Variants in SNTG1 observed in about 807,000 individuals in gnomAD.
SNTG1 encodes gamma-1-syntrophin.
A neutral mutation model predicts 74.7 loss-of-function variants in SNTG1; 39 were observed. That is an observed-to-expected ratio of 0.52 (90% confidence interval 0.40 to 0.68). The LOEUF (loss-of-function observed/expected upper bound fraction) is 0.68, where lower values mean the gene tolerates loss of function less well. Ranked by LOEUF, SNTG1 falls within the 30% of genes least tolerant of loss-of-function variation. SNTG1 has a pLI of 0.00. For synonymous variants in SNTG1, 254 were observed against 217.1 expected, an observed-to-expected ratio of 1.17 and a Z score of -1.49; for missense variants, 685 against 609.5, an observed-to-expected ratio of 1.12 and a Z score of -1.30.
rs191390904 is a variant in SNTG1 at position 50,594,971 on chromosome 8, A to C, written c.849+4054A>C. 3.6e-4 allele frequency among the ~76,000 whole-genome samples: 55 copies of C among 151,844 alleles called. No individual in the cohort carries two copies. In the East Asian group the frequency reaches 7.3e-3, roughly 20 times the overall value. ...TAATGATGCATACCCTAAAATTTAT[A>C]ATCTAATCAGTTGTATATTTAATTC... On this transcript the variant is annotated intron_variant, in intron 13 of 18. Coordinates refer to ENST00000642720, the MANE Select transcript of SNTG1 (RefSeq NM_018967.5).
At chr8:50,064,533 G>A (rs1820744557) in intron 1 of SNTG1, among the ~76,000 whole-genome samples, 1 of 152,190 alleles carries the variant, frequency 6.6e-6, no homozygotes, top group African/African-American at 2.4e-5. Flanking sequence ...GTTAGAAAAA[G>A]TCATCTTTTT....
At chr8:50,666,150 C>A (rs529569418) in intron 15 of SNTG1, among the ~76,000 whole-genome samples, 4 of 152,086 alleles carry the variant, frequency 2.6e-5, no homozygotes, top group African/African-American at 9.7e-5. Context: ...GTAATCTAAC[C>A]AAATCTAATG....
At chr8:50,604,683 C>T (rs1436873843) in intron 13 of SNTG1, among the ~76,000 whole-genome samples, 1 of 152,080 alleles carries the variant, frequency 6.6e-6, no homozygotes, top group African/African-American at 2.4e-5. Context: ...TCAGAAATGT[C>T]CAAGAGTCTA....
chr8:50,701,586 CTCTTCT>C lies in SNTG1; in HGVS notation c.1039-2987_1039-2982del, dbSNP rs5891382. Among the ~76,000 whole-genome samples, 1,103 of 145,302 alleles carry C rather than the reference CTCTTCT, an allele frequency of 7.6e-3. 11 individuals are homozygous for C. Among genetic ancestry groups the C allele is most frequent in the Non-Finnish European group, 8.6e-3 (575 of 67,162 alleles). On this transcript the variant is annotated intron_variant, in intron 15 of 18. Transcript: ENST00000642720. The stretch of plus-strand genomic sequence containing the variant: ...ATTGTGATATAATACCTTTTTCTTC[CTCTTCT>C]TCTTCTTCTTCTTCTTCTTCTTCTT...
intron 2 of SNTG1, among the ~76,000 whole-genome samples, chr8:50,284,651 T>C (rs1055796032): frequency 6.6e-6 from 1 of 152,166 alleles, no homozygotes; most frequent in Non-Finnish European, 1.5e-5. Flanking sequence ...GTCATTGTTC[T>C]TTTTACAGGA....
chr8:50,036,059 T>C (rs1378645259), intron 1 of SNTG1, among the ~76,000 whole-genome samples: 1 of 152,168 alleles, frequency 6.6e-6, no homozygotes, highest in Non-Finnish European at 1.5e-5. Flanking sequence ...TCTTCACAAC[T>C]CCATTTGGGA....
intron 1 of SNTG1, among the ~76,000 whole-genome samples, chr8:49,940,018 T>C (rs1439511805): frequency 6.6e-6 from 1 of 152,238 alleles, no homozygotes; most frequent in Non-Finnish European, 1.5e-5. Context: ...GAATTCGACA[T>C]AGCATGAGAT....
intron 4 of SNTG1, among the ~76,000 whole-genome samples, chr8:50,426,978 T>C (rs1200823364): frequency 6.6e-6 from 1 of 152,180 alleles, no homozygotes; most frequent in Admixed American, 6.5e-5. Context: ...AAAGTATACC[T>C]GGAGATGTAT....
chr8:50,272,808 C>T (rs1586917489), intron 2 of SNTG1, among the ~76,000 whole-genome samples: 1 of 151,798 alleles, frequency 6.6e-6, no homozygotes, highest in Non-Finnish European at 1.5e-5. Context: ...ACAATCATAG[C>T]TCATGGTAAC....
At position 50,394,193 on chromosome 8, in the gene SNTG1, C is replaced by A. The variant is rs781319685; in HGVS notation, c.-27-19C>A. ...TGCCATGCTGTGCCTAATGGCTTAC[C>A]ATTTCTGTGTCTTTTCAGACGACAT... On this transcript the variant is annotated intron_variant, in intron 2 of 18. Coordinates refer to ENST00000642720, the MANE Select transcript of SNTG1 (RefSeq NM_018967.5). 2 of 1,607,382 alleles carry A rather than the reference C, an allele frequency of 1.2e-6. No individual in the cohort carries two copies. The highest frequency in any genetic ancestry group is 1.7e-6 in the Non-Finnish European group (2 of 1,175,818).
chr8:50,209,851 G>A (rs1483247663), intron 2 of SNTG1, among the ~76,000 whole-genome samples: 4 of 152,158 alleles, frequency 2.6e-5, no homozygotes, highest in Non-Finnish European at 2.9e-5. Flanking sequence ...CACCAGCAAC[G>A]GAACAAAGCT....
At chr8:50,555,285 C>T (rs1479108085) in intron 12 of SNTG1, among the ~76,000 whole-genome samples, 1 of 152,168 alleles carries the variant, frequency 6.6e-6, no homozygotes, top group Non-Finnish European at 1.5e-5. Context: ...ATTCTAATTA[C>T]ATGTTCTTTT....
chr8:50,280,617 G>A (rs1408419324), intron 2 of SNTG1, among the ~76,000 whole-genome samples: 2 of 152,098 alleles, frequency 1.3e-5, no homozygotes, highest in Admixed American at 6.6e-5. Context: ...ACTTGAAGAG[G>A]GGGTGCTTAT....
At chr8:50,131,963 T>C (rs1381062531) in intron 1 of SNTG1, among the ~76,000 whole-genome samples, 4 of 152,114 alleles carry the variant, frequency 2.6e-5, no homozygotes, top group Admixed American at 6.6e-5. Flanking sequence ...CCTTGTTATA[T>C]ACCTGTTGGA....
intron 2 of SNTG1, among the ~76,000 whole-genome samples, chr8:50,383,023 G>A (rs1164746677): frequency 2.0e-5 from 3 of 152,164 alleles, no homozygotes; most frequent in Non-Finnish European, 2.9e-5. Context: ...TGTACTTAAA[G>A]CCAACTGATT....
At chr8:50,763,806 C>A (rs1156849038) in intron 18 of SNTG1, among the ~76,000 whole-genome samples, 3 of 138,392 alleles carry the variant, frequency 2.2e-5, no homozygotes, top group African/African-American at 8.0e-5. Context: ...AATTTTTTAC[C>A]AAAATTTCAA....
chr8:50,035,190 T>C (rs949608549), intron 1 of SNTG1, among the ~76,000 whole-genome samples: 8 of 152,194 alleles, frequency 5.3e-5, no homozygotes, highest in African/African-American at 1.9e-4. Flanking sequence ...GAGGCTGAGC[T>C]TTTTGCAGTG....
At chr8:50,716,229 C>T (rs1162829281) in intron 17 of SNTG1, among the ~76,000 whole-genome samples, 1 of 151,878 alleles carries the variant, frequency 6.6e-6, no homozygotes, top group Non-Finnish European at 1.5e-5. Context: ...TGTTATTATT[C>T]CATAATCTTT....
At chr8:50,416,126 C>A (rs1416866045) in intron 4 of SNTG1, among the ~76,000 whole-genome samples, 2 of 152,146 alleles carry the variant, frequency 1.3e-5, no homozygotes, top group Non-Finnish European at 2.9e-5. Context: ...TCTGTGCAAT[C>A]TTAAACAAAA....
Sources: gnomAD v4.1 joint callset for allele counts (sites outside exome capture counted in the v4.1 genomes callset) on GRCh38, gnomAD v4.1.1 for gene constraint, MANE v1.5 for transcripts, NCBI Gene and HGNC (gene_info 2026-07-23, HGNC 2026-07-21) for gene names.